Variants in RARB observed in about 807,000 individuals in gnomAD.
RARB encodes HBV-activated protein.
In RARB, 17 loss-of-function variants were observed where a neutral mutation model predicts 51.9. That is an observed-to-expected ratio of 0.33 (90% CI 0.22 to 0.49). RARB has a LOEUF of 0.49. RARB is among the 20% of genes least tolerant of loss of function. The probability of loss-of-function intolerance (pLI) is 0.99; values close to 1 mark genes in which losing one functional copy is unlikely to be tolerated. For missense variants in RARB, 369 were observed against 550.8 expected, an observed-to-expected ratio of 0.67 and a Z score of 3.30; for synonymous variants, 215 against 195.4, an observed-to-expected ratio of 1.10 and a Z score of -0.84.
Position 25,247,115 on chromosome 3 carries a change from A to G in RARB, c.178+72540A>G, listed in dbSNP as rs1026717706. On this transcript the variant is annotated intron_variant, in intron 5 of 11. Transcript: ENST00000383772. ...TCAGAACTAGCTGGGAGCTTCATTT[A>G]CACTGCGAGGGGAAAATCGCCTACT... Among the ~76,000 whole-genome samples, 10 of 152,336 alleles carry G rather than the reference A, an allele frequency of 6.6e-5. 1 individual carries two copies. The highest frequency in any genetic ancestry group is 2.6e-4 in the Admixed American group (4 of 15,306).
chr3:25,325,992 A>G (rs1021103717), intron 5 of RARB, among the ~76,000 whole-genome samples: 1 of 152,136 alleles, frequency 6.6e-6, no homozygotes, highest in Admixed American at 6.5e-5. Flanking sequence ...ATCCCCTATC[A>G]TCACCTACCT....
chr3:24,903,757 G>A (rs1694781252), intron 2 of RARB, among the ~76,000 whole-genome samples: 1 of 152,106 alleles, frequency 6.6e-6, no homozygotes, highest in African/African-American at 2.4e-5. Flanking sequence ...AGCATATTCT[G>A]AGAAACATTA....
At chr3:24,842,452 G>T (rs941945354) in intron 1 of RARB, among the ~76,000 whole-genome samples, 8 of 152,076 alleles carry the variant, frequency 5.3e-5, no homozygotes, top group Non-Finnish European at 1.0e-4. Context: ...TTGATTTGAG[G>T]GTTGAGGGAG....
intron 5 of RARB, among the ~76,000 whole-genome samples, chr3:25,355,768 T>C (rs1705714265): frequency 6.6e-6 from 1 of 152,138 alleles, no homozygotes; most frequent in South Asian, 2.1e-4. Flanking sequence ...ATAGTTTTAA[T>C]GTAAGAATCA....
intron 2 of RARB, among the ~76,000 whole-genome samples, chr3:24,972,427 T>G (rs1215218826): frequency 1.3e-5 from 2 of 152,102 alleles, no homozygotes; most frequent in African/African-American, 4.8e-5. Flanking sequence ...TTTTAGCTCT[T>G]GTGAATCATG....
chr3:25,548,842 A>G (rs1008182154), intron 3 of RARB, among the ~76,000 whole-genome samples: 1 of 152,134 alleles, frequency 6.6e-6, no homozygotes, highest in Non-Finnish European at 1.5e-5. Flanking sequence ...ATTTTTTCCA[A>G]TATCCATTAT....
chr3:25,539,405 C>T (rs1699274176), intron 3 of RARB, among the ~76,000 whole-genome samples: 1 of 152,016 alleles, frequency 6.6e-6, no homozygotes, highest in Non-Finnish European at 1.5e-5. Flanking sequence ...GGCATTGTGT[C>T]CCTTCTGAAA....
At chr3:25,138,338 T>G (rs563568908) in intron 4 of RARB, among the ~76,000 whole-genome samples, 1 of 151,860 alleles carries the variant, frequency 6.6e-6, no homozygotes, top group South Asian at 2.1e-4. Flanking sequence ...TAATTGAGTT[T>G]TTTTTTTTTT....
chr3:25,335,130 A>G (rs1220214427), intron 5 of RARB, among the ~76,000 whole-genome samples: 1 of 152,124 alleles, frequency 6.6e-6, no homozygotes, highest in Non-Finnish European at 1.5e-5. Context: ...CAGCTATAAT[A>G]TGGGGATGGT....
chr3:25,488,099 T>A (rs1301205604), intron 2 of RARB, among the ~76,000 whole-genome samples: 1 of 152,240 alleles, frequency 6.6e-6, no homozygotes, highest in South Asian at 2.1e-4. Flanking sequence ...GTCTAGGGAC[T>A]GTGCTATCCC....
intron 2 of RARB, among the ~76,000 whole-genome samples, chr3:24,972,119 T>C (rs1444862110): frequency 6.6e-6 from 1 of 151,936 alleles, no homozygotes; most frequent in Non-Finnish European, 1.5e-5. Context: ...TTTGCACCCA[T>C]TAATCAACCT....
intron 3 of RARB, among the ~76,000 whole-genome samples, chr3:25,125,483 G>C (rs548066700): frequency 6.6e-6 from 1 of 152,136 alleles, no homozygotes; most frequent in African/African-American, 2.4e-5. Context: ...GTACTAGGGC[G>C]TATGAAGGAA....
intron 3 of RARB, among the ~76,000 whole-genome samples, chr3:25,546,589 C>T (rs1198550040): frequency 3.3e-5 from 5 of 151,964 alleles, no homozygotes; most frequent in African/African-American, 7.3e-5. Context: ...GTCTGAGAAA[C>T]TTATTAGTGC....
chr3:25,227,989 G>A (rs1028510784), intron 5 of RARB, among the ~76,000 whole-genome samples: 5 of 151,894 alleles, frequency 3.3e-5, no homozygotes, highest in Non-Finnish European at 7.4e-5. Flanking sequence ...AGTCAATGTC[G>A]CTATGTGGAA....
chr3:25,250,755 G>C (rs1386592095), intron 5 of RARB, among the ~76,000 whole-genome samples: 5 of 152,158 alleles, frequency 3.3e-5, no homozygotes, highest in African/African-American at 1.2e-4. Flanking sequence ...CTTGGCGGCT[G>C]TATGGAATCC....
intron 3 of RARB, among the ~76,000 whole-genome samples, chr3:25,079,338 C>G (rs746927509): frequency 2.6e-4 from 40 of 152,218 alleles, no homozygotes; most frequent in South Asian, 2.1e-4. Context: ...TTACCTCTTC[C>G]TTTTCAAACT....
intron 3 of RARB, among the ~76,000 whole-genome samples, chr3:25,512,300 TCAAAA>T (rs1697935851): frequency 6.6e-6 from 1 of 152,112 alleles, no homozygotes; most frequent in South Asian, 2.1e-4. Flanking sequence ...GTCCCTTTAC[TCAAAA>T]CAAGAAGTAC....
At chr3:24,993,265 C>T (rs1696952407) in intron 2 of RARB, among the ~76,000 whole-genome samples, 1 of 151,906 alleles carries the variant, frequency 6.6e-6, no homozygotes, top group African/African-American at 2.4e-5. Context: ...ATAAATTATT[C>T]CTGATTTAAT....
chr3:25,589,186 C>T (rs899813244), intron 5 of RARB, among the ~76,000 whole-genome samples: 2 of 152,120 alleles, frequency 1.3e-5, no homozygotes, highest in Non-Finnish European at 2.9e-5. Context: ...AAGCTGAACT[C>T]TGAGAAAAGA....
Sources: gnomAD v4.1 joint callset for allele counts (sites outside exome capture counted in the v4.1 genomes callset) on GRCh38, gnomAD v4.1.1 for gene constraint, MANE v1.5 for transcripts, NCBI Gene and HGNC (gene_info 2026-07-23, HGNC 2026-07-21) for gene names.